CCDC38: variants seen among roughly 807,000 people sequenced by gnomAD.
CCDC38 encodes the protein coiled-coil domain-containing protein 38.
In CCDC38, 69 loss-of-function variants were observed where a neutral mutation model predicts 72.8. That is an observed-to-expected ratio of 0.95 (90% CI 0.78 to 1.16). CCDC38 has a LOEUF of 1.16. CCDC38 is among the 50% of genes most tolerant of loss of function. CCDC38 has a pLI of 0.00. For missense variants in CCDC38, 626 were observed against 638.9 expected (o/e 0.98, Z 0.22); for synonymous variants, 201 against 213.2 (o/e 0.94, Z 0.50).
In CCDC38 at chr12:95,918,941, G is replaced by T; in HGVS notation, c.73C>A (p.Pro25Thr). The change falls in exon 3 of 16, where the codon CCT becomes ACT. Residue 25 changes from proline (P) to threonine (T), a missense_variant. By Grantham distance (38) the Pro-to-Thr change is conservative. Coordinates refer to ENST00000344280, the MANE Select transcript of CCDC38 (RefSeq NM_182496.3). The part of the protein sequence containing the change: ...VKDGSTKEDR[P>T]YKIFFRDLFL... ...AGATCTCTGAAAAAGATCTTATAAG[G>T]CCTGTCCTCTTTGGTTGAGCCATCT... 3.7e-6 allele frequency: 6 copies of T among 1,611,426 alleles called. No homozygotes were observed. The highest frequency in any genetic ancestry group is 5.1e-6 in the Non-Finnish European group (6 of 1,177,796).
intron 2 of CCDC38, among the ~76,000 whole-genome samples, chr12:95,922,526 G>A (rs1283367566): frequency 2.6e-5 from 4 of 152,206 alleles, no homozygotes; most frequent in African/African-American, 9.6e-5. Context: ...TGACAGTGCA[G>A]TGAAACCCAT....
rs530401296 is a variant in CCDC38 at position 95,881,004 on chromosome 12, ATGACT to A, written c.990+476_990+480del. On this transcript the variant is annotated intron_variant, in intron 11 of 15. Transcript: ENST00000344280. The stretch of plus-strand genomic sequence containing the variant: ...TTATTTGTCACAATTTTTTAAAAAG[ATGACT>A]TGGATAAGGTGTGTAATATACAACA... Among the ~76,000 whole-genome samples, 925 of 152,290 alleles carry A rather than the reference ATGACT, an allele frequency of 6.1e-3. 6 individuals carry two copies. The highest frequency in any genetic ancestry group is 0.021 in the African/African-American group (868 of 41,584).
intron 2 of CCDC38, among the ~76,000 whole-genome samples, chr12:95,931,785 G>A (rs141317429): frequency 8.6e-4 from 131 of 152,260 alleles, no homozygotes; most frequent in African/African-American, 2.9e-3. Flanking sequence ...AAGTTCTGTG[G>A]GAAAAATAAA....
chr12:95,904,860 T>A (rs1353164044), intron 5 of CCDC38, among the ~76,000 whole-genome samples: 2 of 152,146 alleles, frequency 1.3e-5, no homozygotes, highest in East Asian at 3.8e-4. Context: ...ACAGCCTGAT[T>A]AAGTATGATA....
At chr12:95,932,325 T>C (rs1286396840) in intron 2 of CCDC38, among the ~76,000 whole-genome samples, 1 of 152,176 alleles carries the variant, frequency 6.6e-6, no homozygotes, top group Non-Finnish European at 1.5e-5. Flanking sequence ...CCCTAATAGA[T>C]TGCATATGAG....
At chr12:95,912,851 G>A (rs1027343561) in intron 4 of CCDC38, among the ~76,000 whole-genome samples, 1 of 152,118 alleles carries the variant, frequency 6.6e-6, no homozygotes, top group Non-Finnish European at 1.5e-5. Flanking sequence ...CTTCAGCTCA[G>A]GAGTTTGAGA....
At chr12:95,916,546 T>C (rs2080147016) in intron 4 of CCDC38, among the ~76,000 whole-genome samples, 1 of 152,078 alleles carries the variant, frequency 6.6e-6, no homozygotes, top group Non-Finnish European at 1.5e-5. Context: ...GTACTTTCTA[T>C]CTCATCTATA....
chr12:95,932,713 T>C (rs2080351064), intron 2 of CCDC38, among the ~76,000 whole-genome samples: 1 of 152,212 alleles, frequency 6.6e-6, no homozygotes, highest in Non-Finnish European at 1.5e-5. Flanking sequence ...GAATGATCAA[T>C]GGATTCACAG....
chr12:95,930,434 C>T (rs1419660961), intron 2 of CCDC38, among the ~76,000 whole-genome samples: 2 of 152,126 alleles, frequency 1.3e-5, no homozygotes, highest in Non-Finnish European at 2.9e-5. Context: ...TCCTGGGATT[C>T]CTTGGATTGT....
intron 2 of CCDC38, among the ~76,000 whole-genome samples, chr12:95,922,087 C>T (rs545219860): frequency 6.6e-6 from 1 of 152,172 alleles, no homozygotes; most frequent in African/African-American, 2.4e-5. Context: ...AGCCATTTGC[C>T]CAAAGATTCA....
chr12:95,875,465 C>A (rs2079625917), intron 13 of CCDC38, among the ~76,000 whole-genome samples: 1 of 152,104 alleles, frequency 6.6e-6, no homozygotes, highest in South Asian at 2.1e-4. Context: ...GACTAAAATT[C>A]ATTTCATACT....
chr12:95,907,787 C>A (rs969312830), intron 4 of CCDC38, among the ~76,000 whole-genome samples: 3 of 151,512 alleles, frequency 2.0e-5, no homozygotes, highest in African/African-American at 7.3e-5. Flanking sequence ...CAGAGACGCT[C>A]CTCACATCCC....
At chr12:95,911,952 C>T (rs190337845) in intron 4 of CCDC38, among the ~76,000 whole-genome samples, 49 of 152,298 alleles carry the variant, frequency 3.2e-4, no homozygotes, top group African/African-American at 9.4e-4. Flanking sequence ...ACAGCAAATA[C>T]AGAGACTCAA....
At chr12:95,916,009 A>T (rs546995405) in intron 4 of CCDC38, among the ~76,000 whole-genome samples, 42 of 152,308 alleles carry the variant, frequency 2.8e-4, no homozygotes, top group African/African-American at 9.6e-4. Flanking sequence ...GGTATTTTAA[A>T]CCAGCCACTT....
At chr12:95,907,830 A>G (rs1263840422) in intron 4 of CCDC38, among the ~76,000 whole-genome samples, 2 of 142,418 alleles carry the variant, frequency 1.4e-5, no homozygotes, top group Non-Finnish European at 3.0e-5. Context: ...CGCTCCCCAC[A>G]TCTCAGACGA....
chr12:95,943,145 A>G (rs1201644192), upstream of CCDC38: 1 of 455,310 alleles, frequency 2.2e-6, no homozygotes, highest in Non-Finnish European at 3.8e-6. Flanking sequence ...CATCTCGTTT[A>G]CTCGGGATGG....
upstream of CCDC38, chr12:95,942,954 TG>T (rs1250860626): frequency 6.7e-6 from 1 of 148,746 alleles, no homozygotes; most frequent in East Asian, 2.2e-4. Flanking sequence ...GTTTCCCCCA[TG>T]GCCCCCCTTC....
At chr12:95,940,514 T>C (rs116050727) in intron 1 of CCDC38, among the ~76,000 whole-genome samples, 3,186 of 152,226 alleles carry the variant, frequency 0.021, 44 homozygotes, top group African/African-American at 0.043. Flanking sequence ...TAAAAAGCAA[T>C]GTTTATCTTC....
At chr12:95,943,131 T>A (rs2080471630), upstream of CCDC38, among the ~76,000 whole-genome samples, 1 of 152,204 alleles carries the variant, frequency 6.6e-6, no homozygotes, top group African/African-American at 2.4e-5. Context: ...GGGACACTAG[T>A]CTCCATCTCG....
Sources: gnomAD v4.1 joint callset for allele counts (sites outside exome capture counted in the v4.1 genomes callset) on GRCh38, gnomAD v4.1.1 for gene constraint, MANE v1.5 for transcripts, NCBI Gene and HGNC (gene_info 2026-07-23, HGNC 2026-07-21) for gene names.